TTLL13: variants seen among roughly 807,000 people sequenced by gnomAD.
The protein encoded by TTLL13 is tubulin polyglutamylase TTLL13.
the TTLL13 span, among the ~76,000 whole-genome samples, chr15:90,254,496 A>AAAAAAAAC: frequency 6.8e-6 from 1 of 147,050 alleles, no homozygotes; most frequent in Non-Finnish European, 1.5e-5. Flanking sequence ...CCATCTAAAA[A>AAAAAAAAC]AAAAAAAAAA....
chr15:90,263,906 T>G, the TTLL13 span: 228 of 1,333,768 alleles, frequency 1.7e-4, 1 homozygote, highest in East Asian at 5.0e-3. Context: ...CTGCCAAGCA[T>G]GAATGCTGCA....
chr15:90,264,765 C>T, the TTLL13 span: 3 of 1,536,012 alleles, frequency 2.0e-6, no homozygotes, highest in African/African-American at 1.4e-5. Context: ...CGAGTCCTGG[C>T]AGGATCAGTG....
At chr15:90,252,559 GA>G in the TTLL13 span, among the ~76,000 whole-genome samples, 29 of 151,796 alleles carry the variant, frequency 1.9e-4, no homozygotes, top group Admixed American at 4.6e-4. Context: ...CAACGATTAA[GA>G]AAAAAAACAA....
chr15:90,256,095 G>A, the TTLL13 span: 1 of 1,604,218 alleles, frequency 6.2e-7, no homozygotes, highest in Non-Finnish European at 8.5e-7. Context: ...CCCCGGGAAA[G>A]CCTTGATGCA....
the TTLL13 span, chr15:90,258,519 G>A: frequency 1.6e-6 from 1 of 614,312 alleles, no homozygotes; most frequent in Non-Finnish European, 2.9e-6. Context: ...TAAGTCTTTA[G>A]GGACACACTA....
At chr15:90,251,145 G>T in the TTLL13 span, among the ~76,000 whole-genome samples, 3 of 120,396 alleles carry the variant, frequency 2.5e-5, no homozygotes, top group African/African-American at 3.4e-5. Context: ...ACAGAGTCTC[G>T]CTCTGTCGCC....
At chr15:90,251,010 A>G in the TTLL13 span, 1 of 1,299,230 alleles carries the variant, frequency 7.7e-7, no homozygotes, top group South Asian at 1.5e-5. Context: ...AGGACAGGAA[A>G]TGCTGGAGTG....
chr15:90,264,247 A>G, the TTLL13 span, among the ~76,000 whole-genome samples: 1 of 152,106 alleles, frequency 6.6e-6, no homozygotes, highest in African/African-American at 2.4e-5. Flanking sequence ...GCTGAAGTAC[A>G]ATGGCTTGAT....
chr15:90,250,816 G>A, the TTLL13 span: 10 of 1,614,102 alleles, frequency 6.2e-6, no homozygotes, highest in African/African-American at 2.7e-5. Context: ...CAAAAATTCC[G>A]AAGAAAGTCA....
the TTLL13 span, chr15:90,249,691 A>T: frequency 6.6e-6 from 1 of 152,288 alleles, no homozygotes; most frequent in Admixed American, 6.5e-5. Context: ...CCGGACGCCC[A>T]GAAACGCCCA....
At chr15:90,264,097 G>A in the TTLL13 span, 30 of 1,312,558 alleles carry the variant, frequency 2.3e-5, no homozygotes, top group Non-Finnish European at 3.0e-5. Context: ...TTTGACATAT[G>A]TAAATCCCAC....
At chr15:90,253,418 C>T in the TTLL13 span, 1 of 1,390,030 alleles carries the variant, frequency 7.2e-7, no homozygotes, top group Non-Finnish European at 1.0e-6. Flanking sequence ...CCCAGAATGA[C>T]TATTCCCACC....
the TTLL13 span, among the ~76,000 whole-genome samples, chr15:90,253,083 A>G: frequency 6.6e-6 from 1 of 152,198 alleles, no homozygotes; most frequent in Non-Finnish European, 1.5e-5. Context: ...GCCCCTAAGA[A>G]CTTGAAATTG....
chr15:90,251,620 C>G, the TTLL13 span: 1 of 1,611,362 alleles, frequency 6.2e-7, no homozygotes, highest in East Asian at 2.2e-5. Context: ...GTCGCTCACA[C>G]TGTGGTGCAT....
the TTLL13 span, chr15:90,262,526 C>G: frequency 1.3e-6 from 2 of 1,523,330 alleles, no homozygotes; most frequent in Non-Finnish European, 1.8e-6. Context: ...TAAGCAGGAA[C>G]AGCAGGAGAC....
chr15:90,259,558 C>A, the TTLL13 span, among the ~76,000 whole-genome samples: 1 of 152,246 alleles, frequency 6.6e-6, no homozygotes, highest in South Asian at 2.1e-4. Context: ...TGTATTTATA[C>A]AAAATATTTT....
chr15:90,251,004 C>G, the TTLL13 span: 1 of 1,344,550 alleles, frequency 7.4e-7, no homozygotes, highest in Non-Finnish European at 1.0e-6. Flanking sequence ...CAAAAGAGGA[C>G]AGGAAATGCT....
chr15:90,260,931 C>G, the TTLL13 span, among the ~76,000 whole-genome samples: 4 of 151,604 alleles, frequency 2.6e-5, no homozygotes, highest in African/African-American at 9.7e-5. Context: ...TAGTGAGTGG[C>G]AGAGCCAGGA....
chr15:90,264,139 T>C, the TTLL13 span: 4 of 825,448 alleles, frequency 4.8e-6, no homozygotes, highest in Non-Finnish European at 7.6e-6. Flanking sequence ...GCCCCTAAAA[T>C]ATAATATGGC....
Sources: gnomAD v4.1 joint callset for allele counts (sites outside exome capture counted in the v4.1 genomes callset) on GRCh38, gnomAD v4.1.1 for gene constraint, MANE v1.5 for transcripts, NCBI Gene and HGNC (gene_info 2026-07-23, HGNC 2026-07-21) for gene names.